Variants in IFNAR2 observed in about 807,000 individuals in gnomAD.
IFNAR2 encodes the protein interferon alpha/beta receptor 2.
Under a neutral mutation model 49.4 loss-of-function variants are expected in IFNAR2, and 30 were observed. The observed-to-expected ratio is 0.61, with a 90% confidence interval of 0.45 to 0.82. The LOEUF is 0.82. IFNAR2 is among the 40% of genes least tolerant of loss of function. IFNAR2 has a pLI of 0.00. For missense variants in IFNAR2, 600 were observed against 622.7 expected (o/e 0.96, Z 0.39); for synonymous variants, 224 against 234.5 (o/e 0.96, Z 0.41).
At chr21:33,238,661 G>A (rs1310326651) in intron 1 of IFNAR2, among the ~76,000 whole-genome samples, 2 of 141,120 alleles carry the variant, frequency 1.4e-5, no homozygotes, top group Non-Finnish European at 3.1e-5. Context: ...AAACTTCTGG[G>A]TGTTTTTTTG....
At chr21:33,250,746 C>G (rs1987781425) in intron 6 of IFNAR2, among the ~76,000 whole-genome samples, 1 of 152,170 alleles carries the variant, frequency 6.6e-6, no homozygotes, top group African/African-American at 2.4e-5. Context: ...ACTGTGTTGG[C>G]CAGGCTGGTG....
intron 1 of IFNAR2, chr21:33,232,977 C>A: frequency 1.0e-6 from 1 of 977,144 alleles, no homozygotes; most frequent in Non-Finnish European, 1.2e-6. Flanking sequence ...AGACGTCTTA[C>A]TAAAAACAAA....
rs45580331 is a variant in IFNAR2, at chr21:33,263,350, A to G, written c.1398A>G (p.Gln466=). The G allele has an allele frequency of 6.3e-5, 101 of 1,614,036 alleles. No individual in the cohort carries two copies. The highest frequency in any genetic ancestry group is 7.7e-5 in the Non-Finnish European group (91 of 1,180,034). The change falls in exon 9 of 9, where the codon CAA becomes CAG. Residue 466 remains glutamine, a synonymous_variant. Transcript: ENST00000342136. The stretch of plus-strand genomic sequence containing the variant: ...ACCCAGAGGATCCTGATAATGTGCA[A>G]TCAAACCATTTGCTGGCCAGCGGGG... ...MVDPEDPDNV[Q]SNHLLASGEG...
intron 7 of IFNAR2, among the ~76,000 whole-genome samples, chr21:33,259,894 C>CT (rs1988450246): frequency 6.6e-6 from 1 of 152,090 alleles, no homozygotes; most frequent in Non-Finnish European, 1.5e-5. Context: ...ATTTGATTTC[C>CT]TTTTTTCTCC....
rs1163606815 is a variant in IFNAR2 at position 33,230,182 on chromosome 21, C to G, written c.-118C>G. ...GGGCGCGGCTGGGGCCCGAGGCTAG[C>G]ATCTCTCGGGAGCCGCAAGGCGAGA... On this transcript the variant is annotated 5_prime_UTR_variant, in exon 1 of 9. Coordinates refer to ENST00000342136, the MANE Select transcript of IFNAR2 (RefSeq NM_001289125.3). The surrounding 1 kb of genome is among the most constrained non-coding windows in gnomAD (Gnocchi z 5.5). 9.9e-7 allele frequency: 1 copy of G among 1,014,798 alleles called. No individual in the cohort carries two copies. Among genetic ancestry groups the G allele is most frequent in the African/African-American group, 1.7e-5 (1 of 57,368 alleles). The allele number at this position is 1,014,798 out of a possible 1,614,324, so 62.9% of individuals were successfully genotyped here.
At position 33,230,272 on chromosome 21, in the gene IFNAR2, G is replaced by A. The variant is rs1002380022; in HGVS notation, c.-84+56G>A. The A allele has an allele frequency of 1.4e-5, 15 of 1,102,418 alleles. No homozygotes were observed. The South Asian group carries it at 2.9e-4, about 21-fold the overall frequency. The allele number at this position is 1,102,418 out of a possible 1,614,324, so 68.3% of individuals were successfully genotyped here. On this transcript the variant is annotated intron_variant, in intron 1 of 8. Coordinates refer to ENST00000342136, the MANE Select transcript of IFNAR2 (RefSeq NM_001289125.3). The surrounding 1 kb of genome is among the most constrained non-coding windows in gnomAD (Gnocchi z 5.5). ...GAGCGCGTGGCCAGCTGACTGGAGG[G>A]AAAACGCCGCCTCCCTGCAGCGGTT...
rs1311563778 is a variant in IFNAR2, at chr21:33,234,762, G to C, written c.-84+4546G>C. 3.0e-6 allele frequency: 3 copies of C among 984,874 alleles called. No individual in the cohort carries two copies. The African/African-American group carries it at 5.2e-5, about 17-fold the overall frequency. 61.0% of individuals were successfully genotyped at this position (984,874 alleles called of 1,614,324 possible). On this transcript the variant is annotated intron_variant, in intron 1 of 8. Transcript: ENST00000342136. ...CAGGGTGAACCTGTGACAAAATTGG[G>C]GTTCAGCCTGGGAAGCCACATGAGT...
At chr21:33,243,554 A>G in intron 2 of IFNAR2, 119 bp from the exon 3 acceptor site, 1 of 939,732 alleles carries the variant, frequency 1.1e-6, no homozygotes, top group South Asian at 1.4e-5. Context: ...TTTTGGCACA[A>G]GAAAAATCTC....
In IFNAR2 at chr21:33,252,788, T is replaced by C. The variant is rs769814080; in HGVS notation, c.667T>C (p.Ser223Pro). The C allele has an allele frequency of 6.2e-7, 1 of 1,613,968 alleles. No individual in the cohort carries two copies. The highest frequency in any genetic ancestry group is 8.5e-7 in the Non-Finnish European group (1 of 1,179,900). Residue 223 changes from serine (S) to proline (P), a missense_variant, in exon 7 of 9, where the codon TCT becomes CCT. Physicochemically the swap from Ser to Pro is moderately conservative, Grantham distance 74. Coordinates refer to ENST00000342136, the MANE Select transcript of IFNAR2 (RefSeq NM_001289125.3). ...EHSDEQAVIK[S>P]PLKCTLLPPG... ...CAGTGATGAGCAAGCAGTAATAAAGTCTCCCTTAAAATGCACCCTCCTTCC... is the reference window on the plus strand; with the variant it reads ...CAGTGATGAGCAAGCAGTAATAAAGCCTCCCTTAAAATGCACCCTCCTTCC...
chr21:33,234,490 C>G lies in IFNAR2; in HGVS notation c.-84+4274C>G, dbSNP rs183527636. ...ATCCACTTCATTCATTATTCATTGC[C>G]TCCTTGACAATGTGCATCAGTCTAT... is the stretch of plus-strand genomic sequence containing the variant. On this transcript the variant is annotated intron_variant, in intron 1 of 8. Coordinates refer to ENST00000342136, the MANE Select transcript of IFNAR2 (RefSeq NM_001289125.3). Among the ~76,000 whole-genome samples the G allele has an allele frequency of 3.3e-4, 50 of 152,114 alleles. No individual in the cohort carries two copies. The East Asian group carries it at 7.9e-3, about 24-fold the overall frequency.
intron 2 of IFNAR2, among the ~76,000 whole-genome samples, chr21:33,242,766 T>C (rs1207238208): frequency 2.6e-4 from 3 of 11,364 alleles, no homozygotes; most frequent in African/African-American, 9.0e-4. Flanking sequence ...TGCGTGTGTG[T>C]GTGTGTGTGT....
intron 1 of IFNAR2, among the ~76,000 whole-genome samples, chr21:33,237,374 A>C (rs1267214889): frequency 6.6e-6 from 1 of 152,022 alleles, no homozygotes; most frequent in Non-Finnish European, 1.5e-5. Context: ...TCTAAAAAAA[A>C]AAATACAAAA....
chr21:33,261,890 T>A, intron 8 of IFNAR2, among the ~76,000 whole-genome samples: 2 of 151,786 alleles, frequency 1.3e-5, no homozygotes, highest in South Asian at 4.2e-4. Context: ...AATATATAAA[T>A]ATCTTAAAAA....
chr21:33,264,471 G>C lies in IFNAR2; in HGVS notation c.*971G>C, dbSNP rs1988844478. Reference sequence around the variant, plus strand: ...GTGACTAATACAGAAAGGAAACATGGCGTCGGGGAGAGGGATAAAACCTGA... The same window carrying C: ...GTGACTAATACAGAAAGGAAACATGCCGTCGGGGAGAGGGATAAAACCTGA... On this transcript the variant is annotated 3_prime_UTR_variant, in exon 9 of 9. Transcript: ENST00000342136. 6.6e-6 allele frequency: 1 copy of C among 151,862 alleles called. No individual in the cohort carries two copies. Among genetic ancestry groups the C allele is most frequent in the African/African-American group, 2.4e-5 (1 of 41,298 alleles). 9.4% of individuals were successfully genotyped at this position (151,862 alleles called of 1,614,324 possible).
intron 1 of IFNAR2, among the ~76,000 whole-genome samples, chr21:33,234,961 G>T (rs537428063): frequency 6.6e-6 from 1 of 152,224 alleles, no homozygotes; most frequent in South Asian, 2.1e-4. Context: ...TAAACAAGTG[G>T]TGGATTATTC....
At chr21:33,255,413 A>G (rs971285978) in intron 7 of IFNAR2, among the ~76,000 whole-genome samples, 2 of 152,260 alleles carry the variant, frequency 1.3e-5, no homozygotes, top group African/African-American at 4.8e-5. Flanking sequence ...CTACAAATTC[A>G]GGAGTTCCCA....
chr21:33,243,597 G>A, intron 2 of IFNAR2, 76 bp from the exon 3 acceptor site: 1 of 1,274,586 alleles, frequency 7.8e-7, no homozygotes, highest in South Asian at 1.2e-5. Flanking sequence ...GTTAAAGAAT[G>A]TCAGACTTAG....
At chr21:33,235,560 T>C (rs896459073) in intron 1 of IFNAR2, among the ~76,000 whole-genome samples, 1 of 152,112 alleles carries the variant, frequency 6.6e-6, no homozygotes, top group Middle Eastern at 3.2e-3. Flanking sequence ...TACTAAAATA[T>C]AAAGCCTTTT....
chr21:33,242,686 T>G (rs1987032805), intron 2 of IFNAR2, among the ~76,000 whole-genome samples: 1 of 126,280 alleles, frequency 7.9e-6, no homozygotes, highest in Non-Finnish European at 1.6e-5. Flanking sequence ...TGAGCCGAGA[T>G]CGAGCCGCTG....
Sources: allele counts gnomAD v4.1 joint callset (sites outside exome capture counted in the v4.1 genomes callset), GRCh38; gene constraint gnomAD v4.1.1; non-coding constraint Gnocchi (gnomAD v3.1); transcripts MANE v1.5; gene names NCBI Gene and HGNC (gene_info 2026-07-23, HGNC 2026-07-21).